The following SNTA1 variants were observed in gnomAD, a reference collection of about 807,000 sequenced individuals.
The protein encoded by SNTA1 is syntrophin alpha 1.
Under a neutral mutation model 47.1 loss-of-function variants are expected in SNTA1, and 31 were observed. That is an observed-to-expected ratio of 0.66 (90% confidence interval 0.49 to 0.89). The LOEUF (loss-of-function observed/expected upper bound fraction) is 0.89, where lower values mean the gene tolerates loss of function less well. Ranked by LOEUF, SNTA1 falls within the 40% of genes least tolerant of loss-of-function variation. The probability of loss-of-function intolerance (pLI) is 0.00; values close to 1 mark genes in which losing one functional copy is unlikely to be tolerated. For synonymous variants in SNTA1, 300 were observed against 313.6 expected, an observed-to-expected ratio of 0.96 and a Z score of 0.46; for missense variants, 575 against 693.0, an observed-to-expected ratio of 0.83 and a Z score of 1.91.
chr20:33,420,889 C>G (rs577836104), intron 2 of SNTA1, among the ~76,000 whole-genome samples: 145 of 151,608 alleles, frequency 9.6e-4, no homozygotes, highest in African/African-American at 3.3e-3. Flanking sequence ...GAGGCTGAGG[C>G]AGGAGAATTG....
chr20:33,420,283 A>G (rs1162509797), intron 2 of SNTA1, among the ~76,000 whole-genome samples: 1 of 152,140 alleles, frequency 6.6e-6, no homozygotes, highest in Non-Finnish European at 1.5e-5. Context: ...AGAAAGATGG[A>G]GAGACCTGAG....
chr20:33,408,946 C>A, intron 6 of SNTA1, 58 bp from the exon 7 acceptor site: 1 of 1,466,386 alleles, frequency 6.8e-7, no homozygotes, highest in Non-Finnish European at 9.5e-7. Flanking sequence ...TACACCCCAA[C>A]CTCCAACCCC....
chr20:33,437,198 G>A (rs1239565491), intron 2 of SNTA1, among the ~76,000 whole-genome samples: 1 of 151,700 alleles, frequency 6.6e-6, no homozygotes, highest in Non-Finnish European at 1.5e-5. Flanking sequence ...GGGAGACGGA[G>A]GTTGCAGTGA....
At chr20:33,418,028 A>T in intron 2 of SNTA1, 105 bp from the exon 3 acceptor site, 1 of 762,536 alleles carries the variant, frequency 1.3e-6, no homozygotes. Context: ...TCACTATTAG[A>T]CCCTTAGTAA....
intron 3 of SNTA1, among the ~76,000 whole-genome samples, chr20:33,417,421 T>C (rs910633243): frequency 6.6e-6 from 1 of 152,064 alleles, no homozygotes; most frequent in Non-Finnish European, 1.5e-5. Context: ...CAATGGAGAA[T>C]CTAAAGGTCA....
intron 5 of SNTA1, among the ~76,000 whole-genome samples, chr20:33,411,622 T>C: frequency 6.6e-6 from 1 of 152,122 alleles, no homozygotes; most frequent in Non-Finnish European, 1.5e-5. Context: ...AGCACCTCGC[T>C]CCCCAGCTTA....
intron 2 of SNTA1, among the ~76,000 whole-genome samples, chr20:33,418,654 G>A (rs1318623235): frequency 3.3e-5 from 5 of 151,844 alleles, no homozygotes; most frequent in African/African-American, 7.2e-5. Flanking sequence ...CTAGCCGGGC[G>A]TGGTGGCTCG....
At chr20:33,414,450 C>T (rs1989826388) in intron 3 of SNTA1, among the ~76,000 whole-genome samples, 1 of 151,322 alleles carries the variant, frequency 6.6e-6, no homozygotes, top group Non-Finnish European at 1.5e-5. Context: ...AAAAATTAGC[C>T]AGACGTCATG....
Position 33,443,630 on chromosome 20 carries a change from C to G in SNTA1, c.-10G>C. 8.3e-7 allele frequency: 1 copy of G among 1,209,962 alleles called. No individual in the cohort carries two copies. The allele number at this position is 1,209,962 out of a possible 1,614,324, so 75.0% of individuals were successfully genotyped here. ...GCCTGCCGGACGCCATCTTCGCCTC[C>G]GAGCCCCCGGGCCGCCGCGCTCGCC... On this transcript the variant is annotated 5_prime_UTR_variant, in exon 1 of 8. Transcript: ENST00000217381.
intron 5 of SNTA1, among the ~76,000 whole-genome samples, chr20:33,410,904 T>C (rs1402699081): frequency 6.6e-6 from 1 of 152,234 alleles, no homozygotes; most frequent in Non-Finnish European, 1.5e-5. Flanking sequence ...CAGTAAACTT[T>C]TGTTGCCTAA....
Position 33,412,702 on chromosome 20 carries a change from G to A in SNTA1, c.782C>T (p.Ala261Val), listed in dbSNP as rs139467962. The change falls in exon 4 of 8, where the codon GCG becomes GTG. Residue 261 changes from alanine to valine, a missense_variant. By Grantham distance (64) the Ala-to-Val change is moderately conservative. Transcript: ENST00000217381. ...ATTGACCTGGGCTTGGATGGCAGTC[G>A]CCCACGACCTCGCACTAGCCTCATC... The part of the protein sequence containing the change: ...AKDEASARSW[A>V]TAIQAQVNTL... The A allele has an allele frequency of 1.8e-5, 29 of 1,613,578 alleles. No individual in the cohort carries two copies. Among genetic ancestry groups the A allele is most frequent in the African/African-American group, 1.2e-4 (9 of 75,028 alleles).
intron 3 of SNTA1, among the ~76,000 whole-genome samples, chr20:33,415,732 A>C (rs1030581432): frequency 6.6e-6 from 1 of 151,762 alleles, no homozygotes; most frequent in African/African-American, 2.4e-5. Flanking sequence ...CGGAGGTTGC[A>C]GTGAGCTGAG....
At chr20:33,414,245 C>CAAAAAAAA (rs56186098) in intron 3 of SNTA1, among the ~76,000 whole-genome samples, 469 of 28,922 alleles carry the variant, frequency 0.016, 1 homozygote, top group Non-Finnish European at 0.026. Flanking sequence ...TCTCAAAAAC[C>CAAAAAAAA]AAAAAAAAAA....
chr20:33,409,913 G>A (rs1273085803), intron 6 of SNTA1, among the ~76,000 whole-genome samples: 1 of 152,080 alleles, frequency 6.6e-6, no homozygotes, highest in Non-Finnish European at 1.5e-5. Flanking sequence ...TTACAGGCGT[G>A]AGCCACCGCA....
chr20:33,440,870 G>A (rs772246941), intron 1 of SNTA1, among the ~76,000 whole-genome samples: 5 of 152,234 alleles, frequency 3.3e-5, no homozygotes, highest in African/African-American at 7.2e-5. Flanking sequence ...CCCTCAAACC[G>A]GAATCAAGAG....
At chr20:33,414,920 T>C (rs1471067463) in intron 3 of SNTA1, among the ~76,000 whole-genome samples, 1 of 152,214 alleles carries the variant, frequency 6.6e-6, no homozygotes, top group African/African-American at 2.4e-5. Flanking sequence ...TTTAAGTCAT[T>C]GCTTGTTGGA....
At chr20:33,419,408 T>G (rs1989964652) in intron 2 of SNTA1, among the ~76,000 whole-genome samples, 1 of 152,138 alleles carries the variant, frequency 6.6e-6, no homozygotes, top group Non-Finnish European at 1.5e-5. Flanking sequence ...GAGGCTCAGA[T>G]AGGATTCAAA....
intron 5 of SNTA1, among the ~76,000 whole-genome samples, chr20:33,411,453 A>T (rs1989739688): frequency 4.0e-5 from 6 of 151,620 alleles, no homozygotes. Context: ...TTCCAATGCC[A>T]ATGCTGCCTT....
At chr20:33,432,882 A>G (rs926565717) in intron 2 of SNTA1, among the ~76,000 whole-genome samples, 2 of 152,130 alleles carry the variant, frequency 1.3e-5, no homozygotes, top group Non-Finnish European at 2.9e-5. Context: ...CCTGATCTCT[A>G]TGAGGGCTAT....
Sources: gnomAD v4.1 joint callset for allele counts (sites outside exome capture counted in the v4.1 genomes callset) on GRCh38, gnomAD v4.1.1 for gene constraint, MANE v1.5 for transcripts, NCBI Gene and HGNC (gene_info 2026-07-23, HGNC 2026-07-21) for gene names.